Variants in PTPRF observed in about 807,000 individuals in gnomAD.
PTPRF encodes the protein protein tyrosine phosphatase receptor type F.
In PTPRF, 59 loss-of-function variants were observed where a neutral mutation model predicts 201.8. The ratio of observed to expected loss-of-function variants is 0.29; its 90% CI spans 0.24 to 0.36. The LOEUF (loss-of-function observed/expected upper bound fraction) is 0.36. Ranked by LOEUF, PTPRF falls within the 10% of genes least tolerant of loss-of-function variation. The pLI is 1.00. For synonymous variants in PTPRF, 1,088 were observed against 1,089.7 expected (o/e 1.00, Z 0.03); for missense variants, 2,132 against 2,690.5 (o/e 0.79, Z 4.59).
intron 5 of PTPRF, among the ~76,000 whole-genome samples, 163 bp from the exon 6 acceptor site, chr1:43,569,427 C>A (rs919137151): frequency 6.6e-6 from 1 of 152,130 alleles, no homozygotes; most frequent in Non-Finnish European, 1.5e-5. Context: ...GACTTAGGAC[C>A]CTGGTTCCTC....
chr1:43,597,732 C>CCG lies in PTPRF; in HGVS notation c.1814-16_1814-15insCG. 6.9e-7 allele frequency: 1 copy of CCG among 1,440,890 alleles called. No homozygotes were observed. The highest frequency in any genetic ancestry group is 9.6e-7 in the Non-Finnish European group (1 of 1,046,450). 89.3% of individuals were successfully genotyped at this position (1,440,890 alleles called of 1,614,324 possible). ...ACCCTCCATCTGCTTGCTTCCCCCCCATTTGTCTTCCCCAGCCCCCTCCGC... is the reference window on the plus strand; with the variant it reads ...ACCCTCCATCTGCTTGCTTCCCCCCCCGATTTGTCTTCCCCAGCCCCCTCCGC... On this transcript the variant is annotated splice_polypyrimidine_tract_variant and intron_variant, in intron 11 of 33. Coordinates refer to ENST00000359947, the MANE Select transcript of PTPRF (RefSeq NM_002840.5).
intron 11 of PTPRF, among the ~76,000 whole-genome samples, chr1:43,596,741 A>G (rs1179019079): frequency 6.6e-6 from 1 of 152,180 alleles, no homozygotes; most frequent in African/African-American, 2.4e-5. Flanking sequence ...GATGTGAAGC[A>G]GTTCTCCATA....
At chr1:43,532,630 C>G (rs1643696310) in intron 1 of PTPRF, 1 of 169,032 alleles carries the variant, frequency 5.9e-6, no homozygotes, top group African/African-American at 2.4e-5. Flanking sequence ...CTTCGGGGAT[C>G]TGAGGGATCC....
intron 22 of PTPRF, chr1:43,613,228 C>T (rs534227510): frequency 1.7e-4 from 55 of 316,404 alleles, no homozygotes; most frequent in African/African-American, 9.9e-4. Context: ...TGACTGCCAC[C>T]GGTGAGGGGC....
intron 3 of PTPRF, among the ~76,000 whole-genome samples, chr1:43,545,396 C>G (rs1275458024): frequency 6.6e-6 from 1 of 152,132 alleles, no homozygotes; most frequent in African/African-American, 2.4e-5. Context: ...AATCGTGACC[C>G]TGTCTTATGG....
upstream of PTPRF, among the ~76,000 whole-genome samples, chr1:43,527,353 TCTC>T (rs1286244788): frequency 2.0e-5 from 3 of 152,308 alleles, no homozygotes; most frequent in Admixed American, 2.0e-4. Flanking sequence ...CCTTGGCTCT[TCTC>T]CTTCAGCAGC....
Position 43,605,631 on chromosome 1 carries a change from G to A in PTPRF, c.3483+9G>A. ...AACTGGAGCTGGACGAGGTACCTGGGGAGGGGATGGGGACACTGACAGCCC... is the reference window on the plus strand; with the variant it reads ...AACTGGAGCTGGACGAGGTACCTGGAGAGGGGATGGGGACACTGACAGCCC... On this transcript the variant is annotated intron_variant, in intron 19 of 33. Coordinates refer to ENST00000359947, the MANE Select transcript of PTPRF (RefSeq NM_002840.5). 7.4e-6 allele frequency: 12 copies of A among 1,613,202 alleles called. No individual in the cohort carries two copies. The highest frequency in any genetic ancestry group is 1.0e-5 in the Non-Finnish European group (12 of 1,179,364).
At chr1:43,587,421 C>G (rs565761983) in intron 7 of PTPRF, among the ~76,000 whole-genome samples, 1 of 152,210 alleles carries the variant, frequency 6.6e-6, no homozygotes, top group Non-Finnish European at 1.5e-5. Context: ...ACGCTGTTGA[C>G]AGGACCTGGT....
At chr1:43,565,906 A>T (rs1217219903) in intron 5 of PTPRF, among the ~76,000 whole-genome samples, 1 of 152,190 alleles carries the variant, frequency 6.6e-6, no homozygotes, top group Non-Finnish European at 1.5e-5. Context: ...CACCGTCGCC[A>T]TGGCTACCGG....
chr1:43,576,004 G>A (rs1646902244), intron 6 of PTPRF: 1 of 1,303,444 alleles, frequency 7.7e-7, no homozygotes, highest in Non-Finnish European at 1.0e-6. Flanking sequence ...CGTCCAGTCT[G>A]TCACCTCCCC....
chr1:43,606,699 G>T (rs1193049175), intron 20 of PTPRF, 115 bp from the exon 21 acceptor site: 1 of 1,428,610 alleles, frequency 7.0e-7, no homozygotes, highest in African/African-American at 1.4e-5. Context: ...TGTAGGGTCT[G>T]GGAGACCAGG....
chr1:43,523,133 G>A (rs1158615936), upstream of PTPRF, among the ~76,000 whole-genome samples: 2 of 152,146 alleles, frequency 1.3e-5, no homozygotes, highest in South Asian at 2.1e-4. Flanking sequence ...ATGGACAGTG[G>A]GGCCACTGAC....
At chr1:43,568,103 C>T (rs1363126201) in intron 5 of PTPRF, among the ~76,000 whole-genome samples, 1 of 152,018 alleles carries the variant, frequency 6.6e-6, no homozygotes, top group Non-Finnish European at 1.5e-5. Context: ...CGAGCCCAGC[C>T]TGGCCAACAT....
intron 3 of PTPRF, among the ~76,000 whole-genome samples, chr1:43,545,750 A>C (rs2153965083): frequency 6.6e-6 from 1 of 152,164 alleles, no homozygotes; most frequent in South Asian, 2.1e-4. Context: ...CAGACCTGGA[A>C]ATGGGGGGAA....
chr1:43,602,174 T>C (rs1265590502), intron 14 of PTPRF, 77 bp downstream of exon 14: 6 of 1,525,648 alleles, frequency 3.9e-6, no homozygotes, highest in Non-Finnish European at 4.5e-6. Flanking sequence ...CTCCCTCCTT[T>C]CCTGCTAGCC....
rs113290421 is a variant in PTPRF at position 43,592,644 on chromosome 1, G to GACACAC, written c.1813+53_1813+58dup. 9.2e-6 allele frequency: 14 copies of GACACAC among 1,528,262 alleles called. No individual in the cohort carries two copies. In the African/African-American group the frequency reaches 1.5e-4, roughly 17 times the overall value. The allele number at this position is 1,528,262 out of a possible 1,614,324, so 94.7% of individuals were successfully genotyped here. Reference sequence around the variant, plus strand: ...CCGCTGCCTGTTACACCTGGGCTGGGACACACACACACACATGCACACACA... The same window carrying GACACAC: ...CCGCTGCCTGTTACACCTGGGCTGGGACACACACACACACACACACATGCACACACA... On this transcript the variant is annotated intron_variant, in intron 11 of 33. Coordinates refer to ENST00000359947, the MANE Select transcript of PTPRF (RefSeq NM_002840.5).
intron 7 of PTPRF, among the ~76,000 whole-genome samples, chr1:43,584,475 CAG>C (rs1285535690): frequency 1.8e-4 from 28 of 152,334 alleles, no homozygotes; most frequent in African/African-American, 6.7e-4. Context: ...CAGTCATCAG[CAG>C]AGACAGCCCA....
chr1:43,602,423 A>G (rs1653986769), intron 14 of PTPRF, among the ~76,000 whole-genome samples: 1 of 152,266 alleles, frequency 6.6e-6, no homozygotes, highest in East Asian at 1.9e-4. Flanking sequence ...GTGAAAAATC[A>G]CCTGCTTTAG....
At position 43,554,308 on chromosome 1, in the gene PTPRF, AG is replaced by A. The variant is rs1645213860; in HGVS notation, c.379+369del. ...GGATTTCCATGTGGAGCCTGGCCGT[AG>A]GTGTCAGGCAGGTGTGTTCCTTGTT... On this transcript the variant is annotated intron_variant, in intron 5 of 33. Transcript: ENST00000359947. This position sits in a 1 kb window ranked among gnomAD's most constrained non-coding sequence, Gnocchi z 4.1. 6.6e-6 allele frequency among the ~76,000 whole-genome samples: 1 copy of A among 152,106 alleles called. No homozygotes were observed. Among genetic ancestry groups the A allele is most frequent in the African/African-American group, 2.4e-5 (1 of 41,404 alleles).
Sources: allele counts gnomAD v4.1 joint callset (sites outside exome capture counted in the v4.1 genomes callset), GRCh38; gene constraint gnomAD v4.1.1; non-coding constraint Gnocchi (gnomAD v3.1); transcripts MANE v1.5; gene names NCBI Gene and HGNC (gene_info 2026-07-23, HGNC 2026-07-21).